Variants in SLC25A6 observed in about 807,000 individuals in gnomAD.
SLC25A6 encodes solute carrier family 25 member 6.
Under a neutral mutation model 25.7 loss-of-function variants are expected in SLC25A6, and 9 were observed. The ratio of observed to expected loss-of-function variants is 0.35; its 90% CI spans 0.21 to 0.61. The LOEUF (loss-of-function observed/expected upper bound fraction) is 0.61, where lower values mean the gene tolerates loss of function less well. Ranked by LOEUF, SLC25A6 falls within the 20% of genes least tolerant of loss-of-function variation. The pLI, the probability that SLC25A6 is intolerant of heterozygous loss-of-function variation, is 0.76. For synonymous variants in SLC25A6, 223 were observed against 197.0 expected, an observed-to-expected ratio of 1.13 and a Z score of -1.11; for missense variants, 404 against 440.5, an observed-to-expected ratio of 0.92 and a Z score of 0.74.
chrX:1,390,981 C>G (rs2089399610), intron 1 of SLC25A6, among the ~76,000 whole-genome samples: 1 of 151,864 alleles, frequency 6.6e-6, no homozygotes, highest in Admixed American at 6.6e-5. Flanking sequence ...TGGCTGGTCT[C>G]AAACTCCCGG....
chrX:1,391,693 C>G (rs1820896959), intron 1 of SLC25A6, among the ~76,000 whole-genome samples: 1 of 152,252 alleles, frequency 6.6e-6, no homozygotes, highest in Admixed American at 6.5e-5. Context: ...GCCCGCCGGG[C>G]CCAGTGCGCA....
At chrX:1,389,968 T>G (rs2149240511) in intron 1 of SLC25A6, among the ~76,000 whole-genome samples, 1 of 151,956 alleles carries the variant, frequency 6.6e-6, no homozygotes, top group South Asian at 2.1e-4. Context: ...ACCATGTTAG[T>G]CAGGATGGTC....
rs1449755758 is a variant in SLC25A6 at position 1,386,237 on chromosome X, G to A, written c.*365C>T. On this transcript the variant is annotated 3_prime_UTR_variant, in exon 4 of 4. Transcript: ENST00000381401. ...CAGTACTCGGCTGTGCAAAACAGGG[G>A]CTAGCGCTGAAGTACAAATGGGAAA... 3.2e-5 allele frequency: 7 copies of A among 220,370 alleles called. No homozygotes were observed. Among genetic ancestry groups the A allele is most frequent in the African/African-American group, 9.0e-5 (4 of 44,220 alleles). 13.7% of individuals were successfully genotyped at this position (220,370 alleles called of 1,614,324 possible).
Position 1,389,484 on chromosome X carries a change from A to G in SLC25A6, c.355T>C (p.Ser119Pro). The G allele has an allele frequency of 6.2e-7, 1 of 1,614,100 alleles. No individual in the cohort carries two copies. The highest frequency in any genetic ancestry group is 8.5e-7 in the Non-Finnish European group (1 of 1,179,992). Residue 119 changes from serine to proline, a missense_variant, in exon 2 of 4, where the codon TCC (serine) becomes CCC (proline). Transcript: ENST00000381401. ...FWRYFAGNLA[S>P]GGAAGATSLC... is the part of the protein sequence containing the mutation. ...GAGGTCGCGCCGGCCGCACCGCCGG[A>G]GGCCAGGTTGCCCGCAAAGTACCTC... is the stretch of plus-strand genomic sequence containing the variant.
chrX:1,390,817 ACTTTTTCTTAGAGACGGGGTCTTGCT>A (rs1569529243), intron 1 of SLC25A6, among the ~76,000 whole-genome samples: 3 of 133,514 alleles, frequency 2.2e-5, no homozygotes, highest in African/African-American at 8.7e-5. Flanking sequence ...TAAGTTTAAA[ACTTTTTCTTAGAGACGGGGTCTTGCT>A]ATGTTGCCCT....
At position 1,387,717 on chromosome X, in the gene SLC25A6, G is replaced by A. The variant is rs1448848470; in HGVS notation, c.599-298C>T. ...GGCCCTGACCTTCTGAAGGGTCACCGTTACTATGGGAGTTACACTCTGTCC... is the reference window on the plus strand; with the variant it reads ...GGCCCTGACCTTCTGAAGGGTCACCATTACTATGGGAGTTACACTCTGTCC... On this transcript the variant is annotated intron_variant, in intron 2 of 3. Coordinates refer to ENST00000381401, the MANE Select transcript of SLC25A6 (RefSeq NM_001636.4). Among the ~76,000 whole-genome samples the A allele has an allele frequency of 1.6e-3, 241 of 152,310 alleles. 5 individuals are homozygous for A. The highest frequency in any genetic ancestry group is 4.9e-4 in the Non-Finnish European group (33 of 68,032).
At chrX:1,389,853 G>A (rs369474595) in intron 1 of SLC25A6, 126 bp from the exon 2 acceptor site, 20 of 1,466,010 alleles carry the variant, frequency 1.4e-5, no homozygotes, top group South Asian at 7.8e-5. Context: ...GCAATGGGGT[G>A]ATCAAGTGAT....
chrX:1,386,998 G>C (rs1191430711), intron 3 of SLC25A6, among the ~76,000 whole-genome samples: 2 of 152,058 alleles, frequency 1.3e-5, no homozygotes, highest in Non-Finnish European at 2.9e-5. Flanking sequence ...TCTCCACCCC[G>C]GGGTCCATGC....
In SLC25A6 at chrX:1,389,299, G is replaced by A. The variant is rs147304014; in HGVS notation, c.540C>T (p.Ser180=). The A allele has an allele frequency of 2.1e-5, 34 of 1,613,908 alleles. No homozygotes were observed. Among genetic ancestry groups the A allele is most frequent in the Middle Eastern group, 1.7e-4 (1 of 6,034 alleles). Residue 180 remains serine, a synonymous_variant, in exon 2 of 4, where the codon TCC becomes TCT. Coordinates refer to ENST00000381401, the MANE Select transcript of SLC25A6 (RefSeq NM_001636.4). Reference sequence around the variant, plus strand: ...CCCGGTAGATGATGATGCCCTGCACGGAGACACTGAAGCCCTGGTACAGGC... The same window carrying A: ...CCCGGTAGATGATGATGCCCTGCACAGAGACACTGAAGCCCTGGTACAGGC... The part of the protein sequence containing the change: ...IRGLYQGFSV[S]VQGIIIYRAA...
Position 1,389,630 on chromosome X carries a change from A to T in SLC25A6, c.209T>A (p.Phe70Tyr). Residue 70 changes from phenylalanine (F) to tyrosine (Y), a missense_variant, in exon 2 of 4, where the codon TTC becomes TAC. Physicochemically the swap from Phe to Tyr is conservative, Grantham distance 22. Coordinates refer to ENST00000381401, the MANE Select transcript of SLC25A6 (RefSeq NM_001636.4). ...RIPKEQGVLS[F>Y]WRGNLANVIR... ...GACGTTGGCAAGGTTGCCCCTCCAG[A>T]AGGACAGCACGCCCTGCTCCTTGGG... 1.2e-6 allele frequency: 2 copies of T among 1,614,014 alleles called. No individual in the cohort carries two copies. The highest frequency in any genetic ancestry group is 1.7e-6 in the Non-Finnish European group (2 of 1,179,984).
chrX:1,387,547 TC>T, intron 2 of SLC25A6, 128 bp from the exon 3 acceptor site: 1 of 1,337,634 alleles, frequency 7.5e-7, no homozygotes, highest in Non-Finnish European at 1.0e-6. Flanking sequence ...CAGTGCCCCC[TC>T]CACGTGGCTG....
At chrX:1,387,127 C>G in intron 3 of SLC25A6, 152 bp downstream of exon 3, 1 of 1,001,866 alleles carries the variant, frequency 1.0e-6, no homozygotes, top group South Asian at 1.6e-5. Flanking sequence ...TCAGGAAAAT[C>G]CTTCCACACA....
Position 1,386,694 on chromosome X carries a change from C to G in SLC25A6, c.805G>C (p.Ala269Pro). 1.2e-6 allele frequency: 2 copies of G among 1,613,028 alleles called. No individual in the cohort carries two copies. The highest frequency in any genetic ancestry group is 1.7e-6 in the Non-Finnish European group (2 of 1,179,346). Reference protein sequence around the residue: ...RKIFRDEGGKAFFKGAWSNVL... With the variant: ...RKIFRDEGGKPFFKGAWSNVL... ...TTGGACCACGCACCCTTGAAGAAGG[C>G]CTTGCCCCCCTCATCTCTGAAGATC... The change falls in exon 4 of 4, where the codon GCC (alanine) becomes CCC (proline). Residue 269 changes from alanine (A) to proline (P), a missense_variant. Ala to Pro is a conservative substitution (Grantham distance 27, BLOSUM62 -1). Transcript: ENST00000381401.
intron 1 of SLC25A6, among the ~76,000 whole-genome samples, chrX:1,391,201 G>A (rs1186590026): frequency 1.3e-5 from 2 of 152,002 alleles, no homozygotes; most frequent in Non-Finnish European, 2.9e-5. Context: ...CTGGCCTCAA[G>A]CAATACTCCC....
intron 3 of SLC25A6, 95 bp from the exon 4 acceptor site, chrX:1,386,854 C>G: frequency 7.2e-7 from 1 of 1,398,124 alleles, no homozygotes; most frequent in South Asian, 1.4e-5. Context: ...AGAAATAACA[C>G]CCCAGACGCC....
At chrX:1,390,096 C>T in intron 1 of SLC25A6, 1 of 287,954 alleles carries the variant, frequency 3.5e-6, no homozygotes, top group South Asian at 5.9e-5. Flanking sequence ...ACTGCAGCCT[C>T]CAACTCCTGG....
Position 1,391,394 on chromosome X carries a change from G to C in SLC25A6, c.111+505C>G, listed in dbSNP as rs769422102. On this transcript the variant is annotated intron_variant, in intron 1 of 3. Coordinates refer to ENST00000381401, the MANE Select transcript of SLC25A6 (RefSeq NM_001636.4). ...CAAAAGACAAAAAATGCATTGCTCT[G>C]GATCAGAATTGCACAAATGAGCTAA... Among the ~76,000 whole-genome samples, 4 of 152,278 alleles carry C rather than the reference G, an allele frequency of 2.6e-5. No homozygotes were observed. In the East Asian group the frequency reaches 7.7e-4, roughly 29 times the overall value.
At chrX:1,390,136 G>A in intron 1 of SLC25A6, 1 of 238,178 alleles carries the variant, frequency 4.2e-6, no homozygotes, top group Non-Finnish European at 8.2e-6. Flanking sequence ...TCAGTCTCCC[G>A]AGTACCCGGG....
Position 1,389,286 on chromosome X carries a change from T to C in SLC25A6, c.553A>G (p.Ile185Val). 9 of 1,613,900 alleles carry C rather than the reference T, an allele frequency of 5.6e-6. No individual in the cohort carries two copies. Among genetic ancestry groups the C allele is most frequent in the African/African-American group, 1.3e-5 (1 of 75,054 alleles). The change falls in exon 2 of 4, where the codon ATC (isoleucine) becomes GTC (valine). Residue 185 changes from isoleucine (I) to valine (V), a missense_variant. Ile to Val is a conservative substitution (Grantham distance 29). Coordinates refer to ENST00000381401, the MANE Select transcript of SLC25A6 (RefSeq NM_001636.4). The part of the protein sequence containing the change: ...QGFSVSVQGI[I>V]IYRAAYFGVY... ...CCGAAGTAGGCCGCCCGGTAGATGATGATGCCCTGCACGGAGACACTGAAG... is the reference window on the plus strand; with the variant it reads ...CCGAAGTAGGCCGCCCGGTAGATGACGATGCCCTGCACGGAGACACTGAAG...
Sources: gnomAD v4.1 joint callset for allele counts (sites outside exome capture counted in the v4.1 genomes callset) on GRCh38, gnomAD v4.1.1 for gene constraint, MANE v1.5 for transcripts, NCBI Gene and HGNC (gene_info 2026-07-23, HGNC 2026-07-21) for gene names.